Variants in ATG4A observed in about 807,000 individuals in gnomAD.
ATG4A encodes the protein autophagy related 4A cysteine peptidase.
A neutral mutation model predicts 38.4 loss-of-function variants in ATG4A; 22 were observed. The ratio of observed to expected loss-of-function variants is 0.57; its 90% CI spans 0.41 to 0.82. The LOEUF (loss-of-function observed/expected upper bound fraction) is 0.82. Among genes scored for constraint, ATG4A ranks in the 40% least tolerant of loss-of-function variants. The probability of loss-of-function intolerance (pLI) is 0.00; values close to 1 mark genes in which losing one functional copy is unlikely to be tolerated. For synonymous variants in ATG4A, 86 were observed against 100.7 expected, an observed-to-expected ratio of 0.85 and a Z score of 0.88; for missense variants, 220 against 290.0, an observed-to-expected ratio of 0.76 and a Z score of 1.75.
chrX:108,141,071 C>CATATATATATATAT (rs139918190), intron 9 of ATG4A, among the ~76,000 whole-genome samples: 16 of 35,027 alleles, frequency 4.6e-4, no homozygotes, highest in East Asian at 1.7e-3. Context: ...TATATATATA[C>CATATATATATATAT]ATATATATAT....
rs1260659012 is a variant in ATG4A at position 108,141,404 on chromosome X, C to T, written c.814+3213C>T. On this transcript the variant is annotated intron_variant, in intron 9 of 12. Coordinates refer to ENST00000372232, the MANE Select transcript of ATG4A (RefSeq NM_052936.5). ...TTCTGTGAGGTAGAGACTGTTATTT[C>T]TGTTTTACATGCAGTGAAACTAAGA... Among the ~76,000 whole-genome samples, 5 of 110,219 alleles carry T rather than the reference C, an allele frequency of 4.5e-5. No individual in the cohort carries two copies. In the Admixed American group the frequency reaches 4.9e-4, roughly 11 times the overall value.
intron 1 of ATG4A, among the ~76,000 whole-genome samples, chrX:108,120,281 C>G (rs754726380): frequency 1.8e-5 from 2 of 112,353 alleles, no homozygotes; most frequent in East Asian, 2.8e-4. Context: ...GGCATCTAGA[C>G]TCTCCTTTCA....
chrX:108,123,562 G>C (rs1426746864), intron 1 of ATG4A, among the ~76,000 whole-genome samples: 1 of 111,496 alleles, frequency 9.0e-6, no homozygotes, highest in Non-Finnish European at 1.9e-5. Context: ...TTCATTTTCT[G>C]TTCTTTCATT....
intron 1 of ATG4A, among the ~76,000 whole-genome samples, chrX:108,097,786 A>G (rs1328218044): frequency 7.1e-5 from 8 of 112,217 alleles, no homozygotes; most frequent in Admixed American, 6.6e-4. Flanking sequence ...GTTATCCACC[A>G]TGAAACTTCT....
Position 108,152,986 on chromosome X carries a change from T to G in ATG4A, c.1025T>G (p.Leu342Arg). 1.7e-6 allele frequency: 2 copies of G among 1,204,099 alleles called. No homozygotes were observed. The highest frequency in any genetic ancestry group is 2.3e-6 in the Non-Finnish European group (2 of 888,506). Residue 342 changes from leucine to arginine, a missense_variant, in exon 12 of 13, where the codon CTA (leucine) becomes CGA (arginine). Coordinates refer to ENST00000372232, the MANE Select transcript of ATG4A (RefSeq NM_052936.5). ...NWCSLVQKEI[L>R]KENLRMFELV... The stretch of plus-strand genomic sequence containing the variant: ...GTTTTGTCATCTCCCCAGGAAATTC[T>G]AAAGGAGAATTTAAGGATGTTTGAA...
At chrX:108,096,621 G>A (rs2031828111) in intron 1 of ATG4A, among the ~76,000 whole-genome samples, 1 of 109,227 alleles carries the variant, frequency 9.2e-6, no homozygotes, top group Non-Finnish European at 1.9e-5. Flanking sequence ...GACTTGTTTG[G>A]GTAGTCTTCT....
At position 108,140,550 on chromosome X, in the gene ATG4A, TAC is replaced by T. The variant is rs763518934; in HGVS notation, c.814+2377_814+2378del. Among the ~76,000 whole-genome samples the T allele has an allele frequency of 2.4e-3, 248 of 102,826 alleles. 2 individuals are homozygous for T. Among genetic ancestry groups the T allele is most frequent in the African/African-American group, 7.8e-3 (221 of 28,430 alleles). The allele number at this position is 102,826 out of a possible 115,157, so 89.3% of individuals were successfully genotyped here. A position where few individuals can be genotyped will look rare whatever the true frequency, so the allele number is the denominator to read the frequency against. On this transcript the variant is annotated intron_variant, in intron 9 of 12. Coordinates refer to ENST00000372232, the MANE Select transcript of ATG4A (RefSeq NM_052936.5). ...TATTATCTCTCTGTCTACACATATA[TAC>T]ACACACACACACACACATTTATACA...
At chrX:108,112,484 C>T (rs1407916366) in intron 1 of ATG4A, among the ~76,000 whole-genome samples, 1 of 109,745 alleles carries the variant, frequency 9.1e-6, no homozygotes, top group Non-Finnish European at 1.9e-5. Context: ...CTCCGCCTCC[C>T]GGGTTCACGC....
intron 1 of ATG4A, among the ~76,000 whole-genome samples, chrX:108,113,385 G>C (rs1602628026): frequency 9.0e-6 from 1 of 111,369 alleles, no homozygotes; most frequent in East Asian, 2.8e-4. Flanking sequence ...CTGTCCATTG[G>C]GGGGCACTGG....
At chrX:108,091,941 G>A in intron 1 of ATG4A, 105 bp downstream of exon 1, 1 of 1,135,001 alleles carries the variant, frequency 8.8e-7, no homozygotes, top group Admixed American at 2.5e-5. Context: ...GGCAGGGCAA[G>A]AGTTATGAGA....
intron 1 of ATG4A, among the ~76,000 whole-genome samples, chrX:108,105,381 A>C (rs1222650594): frequency 9.0e-6 from 1 of 110,816 alleles, no homozygotes; most frequent in Non-Finnish European, 1.9e-5. Context: ...GGAGCTTATA[A>C]TCACTTGCTC....
At chrX:108,144,474 C>A (rs2033377551) in intron 9 of ATG4A, among the ~76,000 whole-genome samples, 1 of 112,050 alleles carries the variant, frequency 8.9e-6, no homozygotes, top group Admixed American at 9.4e-5. Flanking sequence ...TCAGCAGGGG[C>A]TGTAGCCAGG....
chrX:108,132,798 G>C (rs1297262635), intron 4 of ATG4A, among the ~76,000 whole-genome samples: 3 of 71,247 alleles, frequency 4.2e-5, no homozygotes, highest in African/African-American at 1.6e-4. Flanking sequence ...GAGCAAACTG[G>C]AAAAAAAAAA....
chrX:108,125,172 T>C (rs1453104945), intron 1 of ATG4A, among the ~76,000 whole-genome samples: 3 of 111,190 alleles, frequency 2.7e-5, no homozygotes, highest in African/African-American at 6.5e-5. Flanking sequence ...TATTTATTTA[T>C]TTAAAGAGAT....
intron 8 of ATG4A, 53 bp from the exon 9 acceptor site, chrX:108,138,060 G>C: frequency 8.4e-7 from 1 of 1,194,828 alleles, no homozygotes; most frequent in Non-Finnish European, 1.1e-6. Context: ...ACAGAGATCC[G>C]TGAGCAGCAG....
At chrX:108,104,750 C>T (rs1243040980) in intron 1 of ATG4A, among the ~76,000 whole-genome samples, 1 of 111,039 alleles carries the variant, frequency 9.0e-6, no homozygotes, top group African/African-American at 3.3e-5. Context: ...CCCTTTACCC[C>T]TTCTCCTTCT....
At chrX:108,093,224 G>GT (rs2031695462) in intron 1 of ATG4A, among the ~76,000 whole-genome samples, 1 of 111,552 alleles carries the variant, frequency 9.0e-6, no homozygotes, top group Admixed American at 9.5e-5. Flanking sequence ...TCAATCCTCT[G>GT]TCCCATTCCC....
intron 3 of ATG4A, among the ~76,000 whole-genome samples, chrX:108,129,071 T>G (rs2032878878): frequency 8.9e-6 from 1 of 112,319 alleles, no homozygotes; most frequent in African/African-American, 3.2e-5. Flanking sequence ...AGTATACTTT[T>G]GACACCACCT....
At chrX:108,138,290 C>T in intron 9 of ATG4A, 99 bp downstream of exon 9, 2 of 749,503 alleles carry the variant, frequency 2.7e-6, no homozygotes, top group Admixed American at 4.6e-5. Context: ...TAGTGGGTTC[C>T]CGTCTAGCCC....
Sources: allele counts gnomAD v4.1 joint callset (sites outside exome capture counted in the v4.1 genomes callset), GRCh38; gene constraint gnomAD v4.1.1; transcripts MANE v1.5; gene names NCBI Gene and HGNC (gene_info 2026-07-23, HGNC 2026-07-21).